The following SEMA3G variants were observed in gnomAD, a reference collection of about 807,000 sequenced individuals.
The protein encoded by SEMA3G is semaphorin-3G.
In SEMA3G, 70 loss-of-function variants were observed where a neutral mutation model predicts 86.2. That is an observed-to-expected ratio of 0.81 (90% CI 0.67 to 0.99). SEMA3G has a LOEUF of 0.99. SEMA3G is among the 50% of genes least tolerant of loss of function. The pLI is 0.00. For missense variants in SEMA3G, 1,002 were observed against 1,072.4 expected (o/e 0.93, Z 0.92); for synonymous variants, 416 against 441.4 (o/e 0.94, Z 0.72).
chr3:52,439,763 AC>A lies in SEMA3G; in HGVS notation c.1383del (p.Ser462LeufsTer166). 4 of 1,613,796 alleles carry A rather than the reference AC, an allele frequency of 2.5e-6. No homozygotes were observed. The highest frequency in any genetic ancestry group is 3.4e-6 in the Non-Finnish European group (4 of 1,179,956). ...YDVIFLGTDSGSVLKVIALQA... is the reference protein window; with the variant it reads ...YDVIFLGTDSXSVLKVIALQA... ...TGGAGAGCGATGACTTTGAGCACAG[AC>A]CCTGAGTCTGGGGCCAGGGAGGAGG... On this transcript the variant is annotated frameshift_variant, in exon 12 of 16. Coordinates refer to ENST00000231721, the MANE Select transcript of SEMA3G (RefSeq NM_020163.3). LOFTEE classifies it high-confidence loss of function.
rs777758517 is a variant in SEMA3G, at chr3:52,442,492, C to T, written c.339+67G>A. On this transcript the variant is annotated intron_variant, in intron 3 of 15. Transcript: ENST00000231721. The surrounding 1 kb of genome is among the most constrained non-coding windows in gnomAD (Gnocchi z 6.1). ...CTGGTAGAGGTACCTGGGGCGTGGT[C>T]ACGGATTGTCCTGGGGGTCAGGGCA... 59 of 1,578,642 alleles carry T rather than the reference C, an allele frequency of 3.7e-5. No individual in the cohort carries two copies. The highest frequency in any genetic ancestry group is 4.9e-5 in the Non-Finnish European group (56 of 1,148,646).
chr3:52,438,820 T>G (rs2153229608), intron 13 of SEMA3G, 100 bp downstream of exon 13: 1 of 1,565,084 alleles, frequency 6.4e-7, no homozygotes, highest in South Asian at 1.2e-5. Context: ...TTCCCCAGAC[T>G]ACAGTGGAGC....
chr3:52,434,254 T>C lies in SEMA3G; in HGVS notation c.*1349A>G, dbSNP rs1180335513. On this transcript the variant is annotated 3_prime_UTR_variant, in exon 16 of 16. Transcript: ENST00000231721. This position sits in a 1 kb window ranked among gnomAD's most constrained non-coding sequence, Gnocchi z 5.2. ...TTCATTTAGTCCTCCTCCTCCCCTCTGTGCTCCCCAGCCTGAGAAACTGGT... is the reference window on the plus strand; with the variant it reads ...TTCATTTAGTCCTCCTCCTCCCCTCCGTGCTCCCCAGCCTGAGAAACTGGT... 1 of 152,176 alleles carries C rather than the reference T, an allele frequency of 6.6e-6. No individual in the cohort carries two copies. The highest frequency in any genetic ancestry group is 1.5e-5 in the Non-Finnish European group (1 of 68,028). The allele number at this position is 152,176 out of a possible 1,614,324, so 9.4% of individuals were successfully genotyped here.
At chr3:52,441,121 A>C (rs1247079626) in intron 7 of SEMA3G, 73 bp from the exon 8 acceptor site, 10 of 1,451,212 alleles carry the variant, frequency 6.9e-6, no homozygotes, top group Non-Finnish European at 9.4e-6. Flanking sequence ...TTCTACCCTC[A>C]CCCACTCGGG....
rs752360516 is a variant in SEMA3G at position 52,441,281 on chromosome 3, C to T, written c.796G>A (p.Val266Met). Reference sequence around the variant, plus strand: ...GCTCTTACCACGCAGACGCGGCCCACGCGGCTGACAGTGACATGGTTCGAG... The same window carrying T: ...GCTCTTACCACGCAGACGCGGCCCATGCGGCTGACAGTGACATGGTTCGAG... ...GGSNHVTVSR[V>M]GRVCVNDAGG... Residue 266 changes from valine (V) to methionine (M), a missense_variant, in exon 7 of 16, where the codon GTG (valine) becomes ATG (methionine). Transcript: ENST00000231721. 16 of 1,613,278 alleles carry T rather than the reference C, an allele frequency of 9.9e-6. No homozygotes were observed. The highest frequency in any genetic ancestry group is 4.5e-5 in the East Asian group (2 of 44,886).
At position 52,442,057 on chromosome 3, in the gene SEMA3G, C is replaced by T; in HGVS notation, c.459+128G>A. On this transcript the variant is annotated intron_variant, in intron 4 of 15. Transcript: ENST00000231721. This position sits in a 1 kb window ranked among gnomAD's most constrained non-coding sequence, Gnocchi z 6.1. ...CAGGGCCCCTCTAATGGGGTCAGCT[C>T]CCCAACACAAAGGCGCCTTTCAGGC... 7.1e-7 allele frequency: 1 copy of T among 1,400,152 alleles called. No homozygotes were observed. Among genetic ancestry groups the T allele is most frequent in the Non-Finnish European group, 9.6e-7 (1 of 1,037,848 alleles). 86.7% of individuals were successfully genotyped at this position (1,400,152 alleles called of 1,614,324 possible). A position where few individuals can be genotyped will look rare whatever the true frequency, so the allele number is the denominator to read the frequency against.
chr3:52,435,792 G>A lies in SEMA3G; in HGVS notation c.2160C>T (p.Pro720=), dbSNP rs533281627. 14 of 1,614,006 alleles carry A rather than the reference G, an allele frequency of 8.7e-6. No homozygotes were observed. In the Admixed American group the frequency reaches 1.5e-4, roughly 17 times the overall value. ...ILQLIGFANL[P]RVDEYCERVW... Reference sequence around the variant, plus strand: ...CGCGCTCACAGTACTCATCCACCCGGGGCAGGTTGGCGAAGCCAATGAGCT... The same window carrying A: ...CGCGCTCACAGTACTCATCCACCCGAGGCAGGTTGGCGAAGCCAATGAGCT... The change falls in exon 16 of 16, where the codon CCC becomes CCT. Residue 720 remains proline (P), a synonymous_variant. Coordinates refer to ENST00000231721, the MANE Select transcript of SEMA3G (RefSeq NM_020163.3).
In SEMA3G at chr3:52,440,410, A is replaced by G; in HGVS notation, c.1110T>C (p.Tyr370=). 1.2e-6 allele frequency: 2 copies of G among 1,609,784 alleles called. No homozygotes were observed. Among genetic ancestry groups the G allele is most frequent in the Non-Finnish European group, 1.7e-6 (2 of 1,179,076 alleles). Residue 370 remains tyrosine (Y), a synonymous_variant, in exon 10 of 16, where the codon TAT becomes TAC. Transcript: ENST00000231721. ...RDGPQHQWGP[Y]GGKVPFPRPG... is the part of the protein sequence containing the mutation. ...GGCGAGGGAAGGGCACCTTGCCCCC[A>G]TAGGGCCCCCACTGGTGCTGAGGCC...
rs1424540740 is a variant in SEMA3G, at chr3:52,441,889, A to G, written c.480T>C (p.Pro160=). 6 of 1,578,648 alleles carry G rather than the reference A, an allele frequency of 3.8e-6. No homozygotes were observed. Among genetic ancestry groups the G allele is most frequent in the Admixed American group, 3.7e-5 (2 of 54,142 alleles). Residue 160 remains proline, a synonymous_variant, in exon 5 of 16, where the codon CCT becomes CCC. Transcript: ENST00000231721. ...HRGEHVLHLE[P]GSVESGRGRC... ...GCCCCCGGCCACTTTCCACACTGCCAGGCTCCAGGTGGAGCACATGCTAGT... is the reference window on the plus strand; with the variant it reads ...GCCCCCGGCCACTTTCCACACTGCCGGGCTCCAGGTGGAGCACATGCTAGT...
In SEMA3G at chr3:52,441,089, G is replaced by A. The variant is rs1286443783; in HGVS notation, c.814-41C>T. 6.6e-6 allele frequency: 10 copies of A among 1,517,200 alleles called. No homozygotes were observed. In the East Asian group the frequency reaches 2.0e-4, roughly 31 times the overall value. The allele number at this position is 1,517,200 out of a possible 1,614,324, so 94.0% of individuals were successfully genotyped here. On this transcript the variant is annotated intron_variant, in intron 7 of 15. Coordinates refer to ENST00000231721, the MANE Select transcript of SEMA3G (RefSeq NM_020163.3). ...CCAGAGTCACGCTTGGGCCCCACGAGGATGGGTCCCACCATCCACTCTTCT... is the reference window on the plus strand; with the variant it reads ...CCAGAGTCACGCTTGGGCCCCACGAAGATGGGTCCCACCATCCACTCTTCT...
At chr3:52,437,907 G>C (rs1401661898) in intron 14 of SEMA3G, 64 bp downstream of exon 14, 15 of 1,437,768 alleles carry the variant, frequency 1.0e-5, no homozygotes, top group Non-Finnish European at 1.5e-5. Context: ...CTTCGCAGGG[G>C]TGGAGCCGGG....
chr3:52,443,638 A>G (rs1014875446), intron 1 of SEMA3G, among the ~76,000 whole-genome samples: 1 of 152,118 alleles, frequency 6.6e-6, no homozygotes. Flanking sequence ...TGCCTTCCCT[A>G]CGGAAGCACC....
chr3:52,436,006 T>G lies in SEMA3G; in HGVS notation c.1946A>C (p.Asp649Ala). ...GLLFRRLSRFDAGTYTCTTLE... is the reference protein window; with the variant it reads ...GLLFRRLSRFAAGTYTCTTLE... Reference sequence around the variant, plus strand: ...AGTGGTGCAGGTGTAGGTGCCCGCATCGAAACGGCTAAGCCTGCGGAACAG... The same window carrying G: ...AGTGGTGCAGGTGTAGGTGCCCGCAGCGAAACGGCTAAGCCTGCGGAACAG... The change falls in exon 16 of 16, where the codon GAT becomes GCT. Residue 649 changes from aspartate (D) to alanine (A), a missense_variant. Asp to Ala is a moderately radical substitution (Grantham distance 126). Coordinates refer to ENST00000231721, the MANE Select transcript of SEMA3G (RefSeq NM_020163.3). 1 of 1,613,706 alleles carries G rather than the reference T, an allele frequency of 6.2e-7. No individual in the cohort carries two copies. The highest frequency in any genetic ancestry group is 8.5e-7 in the Non-Finnish European group (1 of 1,180,008).
Position 52,438,918 on chromosome 3 carries a change from AC to A in SEMA3G, c.1509+1del. 4 of 1,613,392 alleles carry A rather than the reference AC, an allele frequency of 2.5e-6. No homozygotes were observed. The highest frequency in any genetic ancestry group is 3.4e-6 in the Non-Finnish European group (4 of 1,179,618). Reference sequence around the variant, plus strand: ...CAAGAGGAGGGTGGCAGCTGTTCTTACCCTTTTGACAGAGATCTCCATTTCG... The same window carrying A: ...CAAGAGGAGGGTGGCAGCTGTTCTTACCTTTTGACAGAGATCTCCATTTCG... On this transcript the variant is annotated splice_donor_variant, in intron 13 of 15. Transcript: ENST00000231721. LOFTEE classifies it high-confidence loss of function.
intron 14 of SEMA3G, 113 bp downstream of exon 14, chr3:52,437,858 G>A (rs1706074497): frequency 3.5e-6 from 4 of 1,150,600 alleles, no homozygotes; most frequent in Admixed American, 2.0e-5. Flanking sequence ...GAGGGAAACT[G>A]AGGACTATCC....
At chr3:52,437,705 G>A (rs1321353549) in intron 14 of SEMA3G, 39 bp from the exon 15 acceptor site, 7 of 1,592,700 alleles carry the variant, frequency 4.4e-6, no homozygotes, top group Non-Finnish European at 6.0e-6. Context: ...TGGGAACTAT[G>A]GGACCCAGAT....
intron 10 of SEMA3G, 26 bp downstream of exon 10, chr3:52,440,351 C>G (rs1378129660): frequency 1.3e-6 from 2 of 1,564,422 alleles, no homozygotes; most frequent in Middle Eastern, 2.1e-4. Context: ...CCTCGCTTCC[C>G]TGGCCTGGCC....
chr3:52,437,111 T>C (rs1706061227), intron 15 of SEMA3G, among the ~76,000 whole-genome samples: 1 of 152,136 alleles, frequency 6.6e-6, no homozygotes, highest in African/African-American at 2.4e-5. Flanking sequence ...GGTTCTCTTC[T>C]GTTGTGTGTG....
chr3:52,437,805 G>A, intron 14 of SEMA3G, 139 bp from the exon 15 acceptor site: 1 of 1,165,938 alleles, frequency 8.6e-7, no homozygotes, highest in South Asian at 1.5e-5. Flanking sequence ...CAGCCACTGT[G>A]TCCAAAGACC....
Sources: allele counts gnomAD v4.1 joint callset (sites outside exome capture counted in the v4.1 genomes callset), GRCh38; gene constraint gnomAD v4.1.1; non-coding constraint Gnocchi (gnomAD v3.1); transcripts MANE v1.5; gene names NCBI Gene and HGNC (gene_info 2026-07-23, HGNC 2026-07-21).